Variants in NRG3 observed in about 807,000 individuals in gnomAD.
NRG3 encodes pro-neuregulin-3, membrane-bound isoform.
In NRG3, 31 loss-of-function variants were observed where a neutral mutation model predicts 66.9. That is an observed-to-expected ratio of 0.46 (90% CI 0.35 to 0.63). NRG3 has a LOEUF of 0.63. Among genes scored for constraint, NRG3 ranks in the 20% least tolerant of loss-of-function variants. The pLI is 0.00. For missense variants in NRG3, 910 were observed against 878.9 expected, an observed-to-expected ratio of 1.04 and a Z score of -0.45; for synonymous variants, 393 against 359.4, an observed-to-expected ratio of 1.09 and a Z score of -1.06.
chr10:82,015,463 C>T (rs878885929), intron 1 of NRG3, among the ~76,000 whole-genome samples: 1 of 152,038 alleles, frequency 6.6e-6, no homozygotes, highest in Non-Finnish European at 1.5e-5. Flanking sequence ...GAATTGTAAT[C>T]CCCATAATCC....
chr10:82,284,187 A>C (rs1008239598), intron 1 of NRG3, among the ~76,000 whole-genome samples: 10 of 152,222 alleles, frequency 6.6e-5, no homozygotes, highest in Admixed American at 6.5e-4. Flanking sequence ...GACAGTGAAA[A>C]GGTACATGGC....
At chr10:82,364,578 A>G (rs2084399663) in intron 2 of NRG3, among the ~76,000 whole-genome samples, 1 of 152,190 alleles carries the variant, frequency 6.6e-6, no homozygotes, top group Non-Finnish European at 1.5e-5. Flanking sequence ...CTGTAATTGA[A>G]AAGATTGCTA....
chr10:82,626,694 A>G (rs1424208841), intron 2 of NRG3, among the ~76,000 whole-genome samples: 2 of 152,152 alleles, frequency 1.3e-5, no homozygotes, highest in Non-Finnish European at 2.9e-5. Flanking sequence ...CACACCCTGC[A>G]ACATACACAC....
intron 1 of NRG3, among the ~76,000 whole-genome samples, chr10:82,263,822 T>C (rs2134232088): frequency 6.6e-6 from 1 of 152,332 alleles, no homozygotes; most frequent in Non-Finnish European, 1.5e-5. Context: ...AAATTTTTGC[T>C]AAATAAAGGT....
chr10:82,484,385 G>C (rs905377344), intron 2 of NRG3, among the ~76,000 whole-genome samples: 3 of 152,158 alleles, frequency 2.0e-5, no homozygotes, highest in Non-Finnish European at 4.4e-5. Context: ...GATTATAATA[G>C]CTTTGTCCTT....
chr10:82,454,957 A>G (rs1022060894), intron 2 of NRG3, among the ~76,000 whole-genome samples: 1 of 152,204 alleles, frequency 6.6e-6, no homozygotes, highest in African/African-American at 2.4e-5. Context: ...TAATATCTCC[A>G]TTTATAATGA....
chr10:82,408,892 C>A (rs1276894369), intron 2 of NRG3, among the ~76,000 whole-genome samples: 1 of 151,896 alleles, frequency 6.6e-6, no homozygotes, highest in African/African-American at 2.4e-5. Context: ...AGTCCTAATT[C>A]TATAAACATG....
intron 1 of NRG3, among the ~76,000 whole-genome samples, chr10:81,897,070 A>C (rs1843595635): frequency 6.6e-6 from 1 of 152,172 alleles, no homozygotes; most frequent in Admixed American, 6.5e-5. Context: ...AAATGAGTTC[A>C]AATTAGAAGA....
At chr10:82,951,349 A>G (rs1490748326) in intron 4 of NRG3, 120 bp from the exon 5 acceptor site, 2 of 676,722 alleles carry the variant, frequency 3.0e-6, no homozygotes, top group Non-Finnish European at 5.2e-6. Context: ...TTCCCTATTT[A>G]TGACAGAAAC....
chr10:82,198,624 G>A (rs186028358), intron 1 of NRG3, among the ~76,000 whole-genome samples: 33 of 152,132 alleles, frequency 2.2e-4, no homozygotes, highest in Admixed American at 1.3e-3. Flanking sequence ...TCATTTATTC[G>A]CTCACTCATT....
At chr10:82,775,229 T>A (rs1020233755) in intron 3 of NRG3, among the ~76,000 whole-genome samples, 2 of 149,906 alleles carry the variant, frequency 1.3e-5, no homozygotes, top group Non-Finnish European at 3.0e-5. Context: ...TTTTTTTTTT[T>A]AAGTAGGCAT....
chr10:81,925,955 A>G (rs903747031), intron 1 of NRG3, among the ~76,000 whole-genome samples: 1 of 152,066 alleles, frequency 6.6e-6, no homozygotes, highest in Non-Finnish European at 1.5e-5. Flanking sequence ...AATTACAGTG[A>G]CTGTAAGAGA....
At chr10:82,815,596 G>A (rs1327793806) in intron 3 of NRG3, among the ~76,000 whole-genome samples, 1 of 152,026 alleles carries the variant, frequency 6.6e-6, no homozygotes, top group African/African-American at 2.4e-5. Context: ...CCTTTGGTCT[G>A]GAAATCTCAA....
At chr10:82,070,504 A>G (rs1379091213) in intron 1 of NRG3, among the ~76,000 whole-genome samples, 1 of 152,166 alleles carries the variant, frequency 6.6e-6, no homozygotes, top group Non-Finnish European at 1.5e-5. Context: ...GTAACAGAAA[A>G]TATTGATAAA....
At chr10:82,238,009 A>G (rs1379706251) in intron 1 of NRG3, among the ~76,000 whole-genome samples, 4 of 152,178 alleles carry the variant, frequency 2.6e-5, no homozygotes, top group African/African-American at 9.6e-5. Flanking sequence ...TCTTTCAGCA[A>G]TCTTAGTGTT....
chr10:82,909,284 A>G (rs1236831212), intron 4 of NRG3, among the ~76,000 whole-genome samples: 1 of 152,234 alleles, frequency 6.6e-6, no homozygotes, highest in Non-Finnish European at 1.5e-5. Flanking sequence ...TTTTGACTTT[A>G]ACATAATGAA....
chr10:82,048,630 G>T (rs1403196137), intron 1 of NRG3, among the ~76,000 whole-genome samples: 2 of 150,922 alleles, frequency 1.3e-5, no homozygotes, highest in African/African-American at 2.4e-5. Flanking sequence ...AGCACTAAAT[G>T]CCCACAAGAG....
At position 82,612,106 on chromosome 10, in the gene NRG3, G is replaced by C. The variant is rs552203762; in HGVS notation, c.954-126471G>C. Reference sequence around the variant, plus strand: ...TGTTCATATCCTTTGCCCACTTTTTGATGGGGTTGTTTTTTTCTTGTATAT... The same window carrying C: ...TGTTCATATCCTTTGCCCACTTTTTCATGGGGTTGTTTTTTTCTTGTATAT... On this transcript the variant is annotated intron_variant, in intron 2 of 8. Transcript: ENST00000372141. 2.0e-5 allele frequency among the ~76,000 whole-genome samples: 3 copies of C among 152,190 alleles called. No individual in the cohort carries two copies. In the South Asian group the frequency reaches 6.2e-4, roughly 32 times the overall value.
chr10:82,888,866 T>C (rs974989184), intron 4 of NRG3, among the ~76,000 whole-genome samples: 22 of 152,062 alleles, frequency 1.4e-4, no homozygotes, highest in East Asian at 3.9e-4. Flanking sequence ...TTAGTGGAAA[T>C]TGAAGTTAAG....
Sources: gnomAD v4.1 joint callset for allele counts (sites outside exome capture counted in the v4.1 genomes callset) on GRCh38, gnomAD v4.1.1 for gene constraint, MANE v1.5 for transcripts, NCBI Gene and HGNC (gene_info 2026-07-23, HGNC 2026-07-21) for gene names.